Variants in C2orf76 observed in about 807,000 individuals in gnomAD.
The protein encoded by C2orf76 is UPF0538 protein C2orf76.
C2orf76 carries 23 observed loss-of-function variants against 16.9 expected under a neutral mutation model. That is an observed-to-expected ratio of 1.36 (90% CI 0.98 to 1.93). The LOEUF is 1.93. Ranked by LOEUF, C2orf76 falls within the 30% of genes most tolerant of loss-of-function variation. C2orf76 has a pLI of 0.00. For synonymous variants in C2orf76, 48 were observed against 52.3 expected (o/e 0.92, Z 0.35); for missense variants, 152 against 152.6 (o/e 1.00, Z 0.02).
chr2:119,359,438 C>T (rs1324876129), intron 1 of C2orf76, among the ~76,000 whole-genome samples: 1 of 152,096 alleles, frequency 6.6e-6, no homozygotes, highest in African/African-American at 2.4e-5. Context: ...CTACTGCTAC[C>T]GTAGATAGTG....
the C2orf76 span, among the ~76,000 whole-genome samples, chr2:119,286,339 A>AGTGCTGGGAAG: frequency 6.6e-6 from 1 of 151,998 alleles, no homozygotes; most frequent in African/African-American, 2.4e-5. Context: ...CTGGCTGTGA[A>AGTGCTGGGAAG]GTGCTGGGAA....
At chr2:119,323,629 CACAAAACAAA>C (rs761023309) in intron 2 of C2orf76, among the ~76,000 whole-genome samples, 17 of 152,120 alleles carry the variant, frequency 1.1e-4, no homozygotes, top group African/African-American at 3.6e-4. Context: ...GATATTTAAA[CACAAAACAAA>C]ACAAAACAAA....
At chr2:119,339,606 G>A (rs367711791) in intron 2 of C2orf76, among the ~76,000 whole-genome samples, 1 of 151,372 alleles carries the variant, frequency 6.6e-6, no homozygotes, top group East Asian at 1.9e-4. Flanking sequence ...CAAAAATGAC[G>A]GTCACAATCC....
chr2:119,326,263 G>A (rs2104576057), intron 2 of C2orf76, among the ~76,000 whole-genome samples: 1 of 152,238 alleles, frequency 6.6e-6, no homozygotes, highest in East Asian at 1.9e-4. Context: ...ATGGTAGGAG[G>A]TAAGCATTGA....
At chr2:119,298,610 A>G (rs576211534), downstream of C2orf76, among the ~76,000 whole-genome samples, 248 of 152,194 alleles carry the variant, frequency 1.6e-3, no homozygotes, top group African/African-American at 5.7e-3. Context: ...GTCAAGTTCC[A>G]TGATAAATCC....
chr2:119,334,379 C>CAAAAAAAAAAAAA (rs34753333), intron 2 of C2orf76, among the ~76,000 whole-genome samples: 1 of 71,624 alleles, frequency 1.4e-5, no homozygotes, highest in Non-Finnish European at 2.5e-5. Flanking sequence ...GTATGCAAAG[C>CAAAAAAAAAAAAA]AAAAAAAAAA....
At position 119,311,667 on chromosome 2, in the gene C2orf76, T is replaced by G. The variant is rs1678994073; in HGVS notation, c.259A>C (p.Arg87=). The change falls in exon 5 of 6, where the codon AGA becomes CGA. Residue 87 remains arginine (R), a synonymous_variant. Coordinates refer to ENST00000334816, the MANE Select transcript of C2orf76 (RefSeq NM_001322331.2). ...ELVLSLEDDE[R]LLLKEDSTLK... ...GTGCTGTCTTCTTTCAGCAGGAGTC[T>G]TTCGTCATCTTCCAAACTCAACACA... The G allele has an allele frequency of 2.5e-6, 4 of 1,612,962 alleles. No homozygotes were observed. Among genetic ancestry groups the G allele is most frequent in the Non-Finnish European group, 3.4e-6 (4 of 1,179,882 alleles).
chr2:119,287,106 C>T, the C2orf76 span, among the ~76,000 whole-genome samples: 1 of 152,258 alleles, frequency 6.6e-6, no homozygotes, highest in Admixed American at 6.5e-5. Context: ...CTGTAAGATG[C>T]AGATAACTAG....
chr2:119,303,597 G>A (rs893861427), intron 5 of C2orf76, among the ~76,000 whole-genome samples: 1 of 152,176 alleles, frequency 6.6e-6, no homozygotes, highest in African/African-American at 2.4e-5. Flanking sequence ...TCGTCTCTTA[G>A]TTTACAACTC....
chr2:119,353,226 C>T (rs1257798852), intron 1 of C2orf76, among the ~76,000 whole-genome samples: 1 of 151,956 alleles, frequency 6.6e-6, no homozygotes, highest in Non-Finnish European at 1.5e-5. Context: ...TTTTATTATC[C>T]TTCTTAAAAA....
chr2:119,338,424 C>G (rs1345473090), intron 2 of C2orf76, among the ~76,000 whole-genome samples: 1 of 152,202 alleles, frequency 6.6e-6, no homozygotes, highest in African/African-American at 2.4e-5. Context: ...CAGTTTCCCA[C>G]AAGTTGTCAC....
At chr2:119,305,514 T>C (rs1414420422) in intron 5 of C2orf76, among the ~76,000 whole-genome samples, 2 of 152,230 alleles carry the variant, frequency 1.3e-5, no homozygotes, top group Non-Finnish European at 2.9e-5. Flanking sequence ...CAACGTAGTA[T>C]GAGGCACAGC....
the C2orf76 span, among the ~76,000 whole-genome samples, chr2:119,284,043 A>C: frequency 1.3e-5 from 2 of 152,148 alleles, no homozygotes; most frequent in Admixed American, 6.5e-5. Flanking sequence ...TTGCTCACCC[A>C]TGAGAGGAAA....
the C2orf76 span, among the ~76,000 whole-genome samples, chr2:119,293,217 G>C: frequency 6.6e-6 from 1 of 152,318 alleles, no homozygotes; most frequent in South Asian, 2.1e-4. Flanking sequence ...AACAGAGATA[G>C]ACAAATGAGT....
chr2:119,362,162 TCTTC>T (rs1301714742), intron 1 of C2orf76, among the ~76,000 whole-genome samples: 2 of 152,236 alleles, frequency 1.3e-5, no homozygotes, highest in Non-Finnish European at 2.9e-5. Context: ...AATAATTTTC[TCTTC>T]CTTGTGATTC....
chr2:119,314,462 C>T (rs62156985), intron 4 of C2orf76, among the ~76,000 whole-genome samples: 2,624 of 152,158 alleles, frequency 0.017, 37 homozygotes, highest in Non-Finnish European at 0.029. Context: ...TTTATTGAGT[C>T]CTCCATCTTT....
the C2orf76 span, among the ~76,000 whole-genome samples, chr2:119,286,799 G>T: frequency 6.6e-6 from 1 of 152,098 alleles, no homozygotes; most frequent in Non-Finnish European, 1.5e-5. Context: ...AAATGATGAG[G>T]CCCAAAGCAG....
At chr2:119,315,628 T>C (rs555584860) in intron 4 of C2orf76, among the ~76,000 whole-genome samples, 31 of 152,328 alleles carry the variant, frequency 2.0e-4, no homozygotes, top group Non-Finnish European at 3.2e-4. Context: ...CTTAGAAAAG[T>C]TGAAGCAGAA....
chr2:119,301,076 A>ACACACAC (rs1678612702), downstream of C2orf76, among the ~76,000 whole-genome samples: 39 of 146,240 alleles, frequency 2.7e-4, no homozygotes, highest in African/African-American at 9.0e-4. Context: ...ACTTCTTAAA[A>ACACACAC]ACACACACAC....
Sources: allele counts gnomAD v4.1 joint callset (sites outside exome capture counted in the v4.1 genomes callset), GRCh38; gene constraint gnomAD v4.1.1; transcripts MANE v1.5; gene names NCBI Gene and HGNC (gene_info 2026-07-23, HGNC 2026-07-21).